CC2D2A: variants seen among roughly 807,000 people sequenced by gnomAD.
CC2D2A encodes coiled-coil and C2 domain-containing protein 2A.
CC2D2A carries 155 observed loss-of-function variants against 212.9 expected under a neutral mutation model. The observed-to-expected ratio is 0.73, with a 90% CI of 0.64 to 0.83. The LOEUF (loss-of-function observed/expected upper bound fraction) is 0.83. CC2D2A is among the 40% of genes least tolerant of loss of function. CC2D2A has a pLI of 0.00. For missense variants in CC2D2A, 1,856 were observed against 1,956.2 expected (o/e 0.95, Z 0.97); for synonymous variants, 667 against 686.5 (o/e 0.97, Z 0.44).
At chr4:15,493,268 A>AC (rs200875199) in intron 4 of CC2D2A, among the ~76,000 whole-genome samples, 8,880 of 150,364 alleles carry the variant, frequency 0.059, 728 homozygotes, top group African/African-American at 0.19. Flanking sequence ...TTATTTATTT[A>AC]TTTACTTACT....
intron 33 of CC2D2A, among the ~76,000 whole-genome samples, chr4:15,594,946 A>G: frequency 6.6e-6 from 1 of 151,698 alleles, no homozygotes; most frequent in East Asian, 1.9e-4. Context: ...GACTATAGGA[A>G]CACACCACCA....
chr4:15,519,713 T>G (rs923800891), intron 11 of CC2D2A: 1 of 426,434 alleles, frequency 2.3e-6, no homozygotes, highest in Non-Finnish European at 4.7e-6. Context: ...AGAGAGCTTG[T>G]GCAGGGAAAC....
chr4:15,553,927 T>G (rs1719135344), intron 19 of CC2D2A, among the ~76,000 whole-genome samples: 1 of 152,198 alleles, frequency 6.6e-6, no homozygotes, highest in Non-Finnish European at 1.5e-5. Flanking sequence ...ATTCCAGGCC[T>G]CAGTTGCCTC....
intron 35 of CC2D2A, among the ~76,000 whole-genome samples, 193 bp from the exon 36 acceptor site, chr4:15,599,336 G>A (rs147975129): frequency 3.9e-5 from 6 of 152,088 alleles, no homozygotes; most frequent in African/African-American, 7.2e-5. Flanking sequence ...AACCCTTAAG[G>A]ACAGGACTGC....
At chr4:15,558,217 G>A (rs2109059093) in intron 21 of CC2D2A, among the ~76,000 whole-genome samples, 1 of 152,180 alleles carries the variant, frequency 6.6e-6, no homozygotes, top group Middle Eastern at 3.4e-3. Flanking sequence ...ACTTAACAAG[G>A]TAAATGGAGA....
chr4:15,537,610 C>A (rs896964472), intron 15 of CC2D2A, among the ~76,000 whole-genome samples: 1 of 152,106 alleles, frequency 6.6e-6, no homozygotes, highest in Non-Finnish European at 1.5e-5. Flanking sequence ...CACATGAATA[C>A]CTACCATTTT....
intron 26 of CC2D2A, 37 bp from the exon 27 acceptor site, chr4:15,569,256 C>G (rs1417197898): frequency 1.7e-6 from 2 of 1,173,426 alleles, no homozygotes; most frequent in Non-Finnish European, 2.5e-6. Flanking sequence ...TCTATGTTGC[C>G]TATTTTCACA....
chr4:15,555,318 T>G, intron 20 of CC2D2A, 108 bp downstream of exon 20: 2 of 1,365,752 alleles, frequency 1.5e-6, no homozygotes, highest in Non-Finnish European at 2.0e-6. Flanking sequence ...GGGTGCTGGG[T>G]TGAATGCCAA....
intron 11 of CC2D2A, among the ~76,000 whole-genome samples, chr4:15,518,870 G>C (rs547756505): frequency 6.6e-6 from 1 of 152,298 alleles, no homozygotes; most frequent in Non-Finnish European, 1.5e-5. Context: ...CCTAGGCCTG[G>C]CCTAAGAAAA....
At chr4:15,579,508 G>T (rs1720560007) in intron 29 of CC2D2A, among the ~76,000 whole-genome samples, 3 of 152,026 alleles carry the variant, frequency 2.0e-5, no homozygotes, top group Non-Finnish European at 4.4e-5. Flanking sequence ...TTAACACATT[G>T]ATATAGATCC....
chr4:15,572,070 T>A (rs1175873813), intron 28 of CC2D2A, among the ~76,000 whole-genome samples: 1 of 152,188 alleles, frequency 6.6e-6, no homozygotes, highest in Admixed American at 6.5e-5. Flanking sequence ...TAGGTCCTGG[T>A]TCAATTCTCT....
At position 15,587,929 on chromosome 4, in the gene CC2D2A, G is replaced by A. The variant is rs1560195758; in HGVS notation, c.4179G>A (p.Glu1393=). 6.3e-7 allele frequency: 1 copy of A among 1,578,196 alleles called. No individual in the cohort carries two copies. The part of the protein sequence containing the change: ...AWLLMGNAIP[E]GPTAYVLTWE... ...TGTTGATGGGCAATGCTATTCCTGA[G>A]GTAAGACCACATAGGCTGCCTTTAA... is the stretch of plus-strand genomic sequence containing the variant. The change falls in exon 32 of 37, where the codon GAG becomes GAA. Residue 1393 remains glutamate, a splice_region_variant and synonymous_variant. Transcript: ENST00000424120.
chr4:15,534,755 T>C (rs1044852246), intron 14 of CC2D2A, among the ~76,000 whole-genome samples: 7 of 152,004 alleles, frequency 4.6e-5, no homozygotes, highest in Non-Finnish European at 1.0e-4. Flanking sequence ...AATTATAAAA[T>C]TGAAAGAAAA....
At chr4:15,529,799 G>C (rs1322096073) in intron 13 of CC2D2A, among the ~76,000 whole-genome samples, 4 of 147,690 alleles carry the variant, frequency 2.7e-5, no homozygotes, top group Non-Finnish European at 5.9e-5. Flanking sequence ...CTTAGAACAG[G>C]AAATAATAAA....
intron 6 of CC2D2A, among the ~76,000 whole-genome samples, chr4:15,508,420 T>C (rs897937456): frequency 2.0e-5 from 3 of 152,076 alleles, no homozygotes; most frequent in Admixed American, 1.3e-4. Context: ...ATACAAACTA[T>C]AGACCAAAAA....
intron 2 of CC2D2A, among the ~76,000 whole-genome samples, chr4:15,477,780 C>G (rs1577307687): frequency 6.6e-6 from 1 of 152,212 alleles, no homozygotes; most frequent in South Asian, 2.1e-4. Flanking sequence ...TTCGACCTCA[C>G]TTCCGTCCTC....
intron 8 of CC2D2A, among the ~76,000 whole-genome samples, chr4:15,512,252 A>T (rs1716610017): frequency 6.6e-6 from 1 of 152,234 alleles, no homozygotes; most frequent in Non-Finnish European, 1.5e-5. Flanking sequence ...TTGAACATAT[A>T]CTTGTGCACC....
chr4:15,499,296 A>G lies in CC2D2A; in HGVS notation c.248-3133A>G, dbSNP rs369831410. ...TTGATGCGTCAATGAAGGTTCATCA[A>G]TTGTAATGAATGTGCCACTCTGGTG... On this transcript the variant is annotated intron_variant, in intron 4 of 36. Coordinates refer to ENST00000424120, the MANE Select transcript of CC2D2A (RefSeq NM_001378615.1). 3.9e-5 allele frequency among the ~76,000 whole-genome samples: 6 copies of G among 152,280 alleles called. No individual in the cohort carries two copies. The East Asian group carries it at 5.8e-4, about 15-fold the overall frequency.
intron 8 of CC2D2A, among the ~76,000 whole-genome samples, chr4:15,513,114 CT>C (rs1045040613): frequency 4.6e-5 from 7 of 152,174 alleles, no homozygotes; most frequent in Non-Finnish European, 8.8e-5. Flanking sequence ...CGGAAATGTA[CT>C]TTTTTTACCT....
Sources: gnomAD v4.1 joint callset for allele counts (sites outside exome capture counted in the v4.1 genomes callset) on GRCh38, gnomAD v4.1.1 for gene constraint, MANE v1.5 for transcripts, NCBI Gene and HGNC (gene_info 2026-07-23, HGNC 2026-07-21) for gene names.